Variants in ADORA2B observed in about 807,000 individuals in gnomAD.
The protein encoded by ADORA2B is adenosine receptor A2b.
A neutral mutation model predicts 20.8 loss-of-function variants in ADORA2B; 18 were observed. The observed-to-expected ratio is 0.87, with a 90% CI of 0.60 to 1.29. The LOEUF (loss-of-function observed/expected upper bound fraction) is 1.29. Among genes scored for constraint, ADORA2B ranks in the 50% most tolerant of loss-of-function variants. The pLI, the probability that ADORA2B is intolerant of heterozygous loss-of-function variation, is 0.00. For missense variants in ADORA2B, 441 were observed against 422.7 expected (o/e 1.04, Z -0.38); for synonymous variants, 179 against 178.3 (o/e 1.00, Z -0.03).
chr17:15,939,190 G>A, the ADORA2B span, among the ~76,000 whole-genome samples: 5 of 152,034 alleles, frequency 3.3e-5, no homozygotes, highest in South Asian at 2.1e-4. Flanking sequence ...ACAGGTGCCC[G>A]CCACCACGCC....
chr17:15,928,934 G>C, the ADORA2B span, among the ~76,000 whole-genome samples: 2 of 152,160 alleles, frequency 1.3e-5, no homozygotes, highest in African/African-American at 4.8e-5. Flanking sequence ...TGCTCTTGGA[G>C]AGGCTGGGTT....
the ADORA2B span, among the ~76,000 whole-genome samples, chr17:15,892,570 T>C: frequency 1.3e-5 from 2 of 152,158 alleles, no homozygotes; most frequent in Non-Finnish European, 2.9e-5. Flanking sequence ...GCATGAGCCA[T>C]GACGCCTGGC....
chr17:15,961,332 C>T (rs1236127784), intron 1 of ADORA2B, among the ~76,000 whole-genome samples: 5 of 151,954 alleles, frequency 3.3e-5, no homozygotes, highest in African/African-American at 9.7e-5. Context: ...CCAAATGTCC[C>T]TCAATTTGAG....
At chr17:15,913,278 C>G in the ADORA2B span, among the ~76,000 whole-genome samples, 9 of 152,202 alleles carry the variant, frequency 5.9e-5, no homozygotes, top group Non-Finnish European at 1.2e-4. Flanking sequence ...ATGCTACAGC[C>G]TAATGTGTAA....
At chr17:15,930,329 C>T in the ADORA2B span, among the ~76,000 whole-genome samples, 3 of 148,496 alleles carry the variant, frequency 2.0e-5, no homozygotes, top group South Asian at 2.1e-4. Flanking sequence ...CAGGGTCTCA[C>T]TCTGTCACCC....
At chr17:15,909,000 T>TA in the ADORA2B span, among the ~76,000 whole-genome samples, 3 of 152,058 alleles carry the variant, frequency 2.0e-5, no homozygotes, top group African/African-American at 4.8e-5. Flanking sequence ...CTTTTTTTGC[T>TA]AAAAAATACC....
the ADORA2B span, among the ~76,000 whole-genome samples, chr17:15,923,296 C>CA: frequency 6.7e-6 from 1 of 149,950 alleles, no homozygotes; most frequent in Non-Finnish European, 1.5e-5. Flanking sequence ...GTGATCCACC[C>CA]ACCTCAGCCT....
the ADORA2B span, among the ~76,000 whole-genome samples, chr17:15,924,587 A>C: frequency 2.6e-5 from 4 of 152,010 alleles, no homozygotes; most frequent in African/African-American, 9.7e-5. Context: ...CACACAAAAA[A>C]AAATTAGTCT....
At chr17:15,907,930 G>A in the ADORA2B span, among the ~76,000 whole-genome samples, 63 of 152,184 alleles carry the variant, frequency 4.1e-4, no homozygotes, top group Non-Finnish European at 6.6e-4. Flanking sequence ...ATGGCAGCCC[G>A]CACAATGGCA....
At chr17:15,869,306 C>T in the ADORA2B span, among the ~76,000 whole-genome samples, 72 of 150,942 alleles carry the variant, frequency 4.8e-4, no homozygotes, top group East Asian at 9.7e-4. Flanking sequence ...GGTGACAGAA[C>T]GAGACTCCAT....
the ADORA2B span, among the ~76,000 whole-genome samples, chr17:15,870,261 T>C: frequency 1.3e-4 from 19 of 146,278 alleles, no homozygotes; most frequent in African/African-American, 4.9e-4. Flanking sequence ...TTGCGTTTTT[T>C]CCCATTAACT....
intron 1 of ADORA2B, among the ~76,000 whole-genome samples, chr17:15,965,737 C>A (rs1970108004): frequency 6.6e-6 from 1 of 152,274 alleles, no homozygotes; most frequent in Non-Finnish European, 1.5e-5. Flanking sequence ...ACAGTGCCTG[C>A]AGCTGGCACT....
At chr17:15,893,483 TTCCTTCCCTCCC>T in the ADORA2B span, among the ~76,000 whole-genome samples, 1 of 151,898 alleles carries the variant, frequency 6.6e-6, no homozygotes, top group South Asian at 2.1e-4. Flanking sequence ...CCTTCCTTCC[TTCCTTCCCTCCC>T]TCCCTCCCTC....
chr17:15,962,162 G>A (rs111289294), intron 1 of ADORA2B, among the ~76,000 whole-genome samples: 8 of 152,124 alleles, frequency 5.3e-5, no homozygotes, highest in African/African-American at 1.9e-4. Flanking sequence ...AATTAGCTGA[G>A]CATGTTGGTG....
the ADORA2B span, among the ~76,000 whole-genome samples, chr17:15,883,700 C>G: frequency 6.6e-6 from 1 of 152,192 alleles, no homozygotes; most frequent in Non-Finnish European, 1.5e-5. Flanking sequence ...GAGGCAGAGT[C>G]TAAGGTGGAA....
At chr17:15,918,018 C>T in the ADORA2B span, among the ~76,000 whole-genome samples, 1 of 152,236 alleles carries the variant, frequency 6.6e-6, no homozygotes, top group East Asian at 1.9e-4. Context: ...CGCGAGGCAC[C>T]TTAGACTGGG....
chr17:15,933,322 T>G, the ADORA2B span, among the ~76,000 whole-genome samples: 2 of 152,194 alleles, frequency 1.3e-5, no homozygotes, highest in South Asian at 4.1e-4. Context: ...ATTTTTAGGA[T>G]CAGCTTGTCA....
chr17:15,852,314 G>A, the ADORA2B span, among the ~76,000 whole-genome samples: 1 of 151,996 alleles, frequency 6.6e-6, no homozygotes, highest in East Asian at 1.9e-4. Flanking sequence ...ACATCTTAAA[G>A]AAGTCTTTTA....
chr17:15,972,853 A>G (rs145304260), intron 1 of ADORA2B, among the ~76,000 whole-genome samples: 89 of 152,188 alleles, frequency 5.8e-4, no homozygotes, highest in African/African-American at 2.0e-3. Context: ...CCTGGGCTCA[A>G]GTGATCCTGA....
Sources: gnomAD v4.1 joint callset for allele counts (sites outside exome capture counted in the v4.1 genomes callset) on GRCh38, gnomAD v4.1.1 for gene constraint, MANE v1.5 for transcripts, NCBI Gene and HGNC (gene_info 2026-07-23, HGNC 2026-07-21) for gene names.